ANKRD28: variants seen among roughly 807,000 people sequenced by gnomAD.
ANKRD28 encodes serine/threonine-protein phosphatase 6 regulatory ankyrin repeat subunit A.
Under a neutral mutation model 126.5 loss-of-function variants are expected in ANKRD28, and 44 were observed. The observed-to-expected ratio is 0.35, with a 90% CI of 0.27 to 0.45. The LOEUF (loss-of-function observed/expected upper bound fraction) is 0.45. ANKRD28 is among the 20% of genes least tolerant of loss of function. The pLI, the probability that ANKRD28 is intolerant of heterozygous loss-of-function variation, is 1.00. For missense variants in ANKRD28, 1,110 were observed against 1,316.6 expected, an observed-to-expected ratio of 0.84 and a Z score of 2.43; for synonymous variants, 442 against 468.5, an observed-to-expected ratio of 0.94 and a Z score of 0.73.
At chr3:15,770,425 TA>T (rs1182510809) in intron 2 of ANKRD28, among the ~76,000 whole-genome samples, 1 of 150,764 alleles carries the variant, frequency 6.6e-6, no homozygotes, top group African/African-American at 2.4e-5. Flanking sequence ...TATATATATA[TA>T]TATTAGATAG....
chr3:15,782,962 T>A (rs545217043), intron 2 of ANKRD28, among the ~76,000 whole-genome samples: 3 of 152,212 alleles, frequency 2.0e-5, no homozygotes, highest in African/African-American at 7.2e-5. Context: ...GTGGATTTGT[T>A]GATAAATGTG....
chr3:15,714,943 C>T (rs1160661388), intron 8 of ANKRD28, among the ~76,000 whole-genome samples: 1 of 152,142 alleles, frequency 6.6e-6, no homozygotes, highest in Non-Finnish European at 1.5e-5. Context: ...AAATTTCACA[C>T]TGCTCCAACA....
At chr3:15,743,588 ACACACG>A (rs1175258587) in intron 4 of ANKRD28, among the ~76,000 whole-genome samples, 84 of 147,284 alleles carry the variant, frequency 5.7e-4, no homozygotes, top group African/African-American at 2.0e-3. Context: ...ACACACACAC[ACACACG>A]CACACCAAAA....
At chr3:15,714,765 G>A in intron 8 of ANKRD28, 109 bp from the exon 9 acceptor site, 1 of 748,298 alleles carries the variant, frequency 1.3e-6, no homozygotes, top group Non-Finnish European at 2.0e-6. Context: ...TATTTTACAT[G>A]AATTAAGTTT....
intron 1 of ANKRD28, among the ~76,000 whole-genome samples, chr3:15,831,361 CCA>C (rs1575786798): frequency 1.3e-5 from 2 of 152,328 alleles, no homozygotes; most frequent in Admixed American, 1.3e-4. Context: ...CTGCCAAACT[CCA>C]CATAACTACC....
chr3:15,807,858 A>G (rs1402974662), intron 1 of ANKRD28, among the ~76,000 whole-genome samples: 2 of 152,254 alleles, frequency 1.3e-5, no homozygotes, highest in African/African-American at 2.4e-5. Context: ...ATGTTTCAAT[A>G]TAAGATAATA....
chr3:15,687,220 G>A (rs1320712589), intron 18 of ANKRD28, among the ~76,000 whole-genome samples: 1 of 152,046 alleles, frequency 6.6e-6, no homozygotes, highest in Non-Finnish European at 1.5e-5. Context: ...TGGGATTACA[G>A]GCATGAGCCA....
chr3:15,747,774 C>T (rs2057578777), intron 4 of ANKRD28, among the ~76,000 whole-genome samples: 6 of 152,136 alleles, frequency 3.9e-5, no homozygotes, highest in Admixed American at 3.9e-4. Flanking sequence ...GATGATCTGT[C>T]TAGTGCTGTT....
chr3:15,824,946 C>T (rs2061026237), intron 1 of ANKRD28, among the ~76,000 whole-genome samples: 1 of 152,126 alleles, frequency 6.6e-6, no homozygotes, highest in African/African-American at 2.4e-5. Context: ...CAATGCACAT[C>T]CCACTGAAAA....
In ANKRD28 at chr3:15,789,369, C is replaced by G. The variant is rs556136960; in HGVS notation, c.201+5854G>C. 4.6e-5 allele frequency among the ~76,000 whole-genome samples: 7 copies of G among 151,846 alleles called. No homozygotes were observed. The South Asian group carries it at 1.2e-3, about 27-fold the overall frequency. On this transcript the variant is annotated intron_variant, in intron 2 of 27. Coordinates refer to ENST00000683139, the MANE Select transcript of ANKRD28 (RefSeq NM_001349278.2). ...TGCTGGTGAATTAGTTTAGAGTAGTCTTGTAACCAATGGAACCTTAGGAAG... is the reference window on the plus strand; with the variant it reads ...TGCTGGTGAATTAGTTTAGAGTAGTGTTGTAACCAATGGAACCTTAGGAAG...
intron 12 of ANKRD28, among the ~76,000 whole-genome samples, chr3:15,710,747 TA>T (rs1326948741): frequency 6.6e-6 from 1 of 152,108 alleles, no homozygotes. Context: ...TGGTACTATT[TA>T]AAACTTAGTC....
chr3:15,849,712 TC>T (rs2061598236), intron 1 of ANKRD28, among the ~76,000 whole-genome samples: 1 of 152,138 alleles, frequency 6.6e-6, no homozygotes, highest in Admixed American at 6.5e-5. Context: ...CCTAGTTAAC[TC>T]CCCTAGAAAA....
intron 2 of ANKRD28, among the ~76,000 whole-genome samples, chr3:15,794,080 C>A (rs375508522): frequency 2.6e-5 from 4 of 151,880 alleles, no homozygotes; most frequent in East Asian, 3.9e-4. Context: ...TAAATAAATA[C>A]ATACATACAT....
intron 18 of ANKRD28, 29 bp downstream of exon 18, chr3:15,689,990 A>G: frequency 1.3e-6 from 2 of 1,552,264 alleles, no homozygotes; most frequent in Admixed American, 3.8e-5. Flanking sequence ...TAGAAGTTAT[A>G]AATAAATCAA....
At chr3:15,758,189 G>C (rs1356497949) in intron 3 of ANKRD28, among the ~76,000 whole-genome samples, 1 of 152,182 alleles carries the variant, frequency 6.6e-6, no homozygotes, top group African/African-American at 2.4e-5. Context: ...AAATCACAGA[G>C]GAGATAGTCC....
Position 15,726,253 on chromosome 3 carries a change from G to A in ANKRD28, c.641-1729C>T, listed in dbSNP as rs191320884. Among the ~76,000 whole-genome samples, 5 of 152,312 alleles carry A rather than the reference G, an allele frequency of 3.3e-5. No homozygotes were observed. The East Asian group carries it at 9.6e-4, about 29-fold the overall frequency. On this transcript the variant is annotated intron_variant, in intron 6 of 27. Coordinates refer to ENST00000683139, the MANE Select transcript of ANKRD28 (RefSeq NM_001349278.2). ...AGCTAGAAATGACTAAGCTTAGTGA[G>A]AAAGGCATGTTGAAACGTGAGACAG...
chr3:15,697,950 T>C (rs1386577922), intron 14 of ANKRD28, among the ~76,000 whole-genome samples: 2 of 152,224 alleles, frequency 1.3e-5, no homozygotes, highest in Non-Finnish European at 2.9e-5. Flanking sequence ...TTCTTCCTGG[T>C]TTAGTCTTGG....
chr3:15,849,309 T>C (rs541579161), intron 1 of ANKRD28, among the ~76,000 whole-genome samples: 5 of 152,272 alleles, frequency 3.3e-5, no homozygotes, highest in African/African-American at 1.2e-4. Flanking sequence ...TGCTAAAATA[T>C]GGGAATGCAA....
At position 15,670,198 on chromosome 3, in the gene ANKRD28, T is replaced by A. The variant is rs141630346; in HGVS notation, c.*72A>T. 2.5e-4 allele frequency: 374 copies of A among 1,505,062 alleles called. 3 individuals carry two copies. In the East Asian group the frequency reaches 8.6e-3, roughly 35 times the overall value. The allele number at this position is 1,505,062 out of a possible 1,614,324, so 93.2% of individuals were successfully genotyped here. ...CTCTTAGGTTGAATTTCTACGTGAA[T>A]ATCAAAGTGCCTTTTTCCTGAAAAA... On this transcript the variant is annotated 3_prime_UTR_variant, in exon 28 of 28. Coordinates refer to ENST00000683139, the MANE Select transcript of ANKRD28 (RefSeq NM_001349278.2).
Sources: allele counts gnomAD v4.1 joint callset (sites outside exome capture counted in the v4.1 genomes callset), GRCh38; gene constraint gnomAD v4.1.1; transcripts MANE v1.5; gene names NCBI Gene and HGNC (gene_info 2026-07-23, HGNC 2026-07-21).